AVEN: variants seen among roughly 807,000 people sequenced by gnomAD.
The protein encoded by AVEN is apoptosis and caspase activation inhibitor, also known as cell death regulator Aven.
AVEN carries 41 observed loss-of-function variants against 38.1 expected under a neutral mutation model. The ratio of observed to expected loss-of-function variants is 1.08; its 90% CI spans 0.84 to 1.40. The LOEUF (loss-of-function observed/expected upper bound fraction) is 1.40. AVEN is among the 40% of genes most tolerant of loss of function. The pLI is 0.00. For missense variants in AVEN, 605 were observed against 438.8 expected (o/e 1.38, Z -3.38); for synonymous variants, 206 against 171.8 (o/e 1.20, Z -1.56).
At position 33,904,694 on chromosome 15, in the gene AVEN, A is replaced by AAAAT. The variant is rs1464894437; in HGVS notation, c.446-28700_446-28699insATTT. On this transcript the variant is annotated intron_variant, in intron 2 of 5. Transcript: ENST00000306730. ...GAGACTGTTTCTTTAAAAAAAAAAAAATATATATATATATATATATATACA... is the reference window on the plus strand; with the variant it reads ...GAGACTGTTTCTTTAAAAAAAAAAAAAAATATATATATATATATATATATATACA... Among the ~76,000 whole-genome samples, 466 of 112,698 alleles carry AAAAT rather than the reference A, an allele frequency of 4.1e-3. 8 individuals are homozygous for AAAAT. The South Asian group carries it at 0.066, about 16-fold the overall frequency. 73.9% of individuals were successfully genotyped at this position (112,698 alleles called of 152,430 possible). A position where few individuals can be genotyped will look rare whatever the true frequency, so the allele number is the denominator to read the frequency against.
chr15:34,004,605 GTGT>G lies in AVEN; in HGVS notation c.268-1399_268-1397del, dbSNP rs201066470. 1.0e-2 allele frequency among the ~76,000 whole-genome samples: 1,521 copies of G among 152,192 alleles called. 33 individuals carry two copies. Among genetic ancestry groups the G allele is most frequent in the African/African-American group, 0.035 (1,451 of 41,518 alleles). On this transcript the variant is annotated intron_variant, in intron 1 of 5. Coordinates refer to ENST00000306730, the MANE Select transcript of AVEN (RefSeq NM_020371.3). ...AATACTGGTATTGCAATTTTTTAAA[GTGT>G]TGTTAACTTTTAGATATAAACACTG...
chr15:33,999,871 T>C (rs1897072254), intron 2 of AVEN, among the ~76,000 whole-genome samples: 1 of 152,204 alleles, frequency 6.6e-6, no homozygotes, highest in South Asian at 2.1e-4. Context: ...ATCACTCTTC[T>C]CTTCAAACCC....
At chr15:33,883,521 T>C (rs906074619) in intron 2 of AVEN, 11 of 152,232 alleles carry the variant, frequency 7.2e-5, no homozygotes, top group African/African-American at 2.2e-4. Flanking sequence ...ACCCATTATC[T>C]CAACTGCTAC....
chr15:33,975,241 G>T (rs1386183745), intron 2 of AVEN, among the ~76,000 whole-genome samples: 1 of 152,094 alleles, frequency 6.6e-6, no homozygotes, highest in African/African-American at 2.4e-5. Context: ...GATTCACAAA[G>T]ATATTCTTCT....
downstream of AVEN, chr15:33,857,671 C>T: frequency 7.1e-7 from 1 of 1,408,410 alleles, no homozygotes; most frequent in South Asian, 1.3e-5. Flanking sequence ...CCCATTTCCT[C>T]TCCTTGCCCG....
rs1281007937 is a variant in AVEN, at chr15:34,052,809, A to G, written n.1637+10113T>C. Among the ~76,000 whole-genome samples the G allele has an allele frequency of 3.9e-5, 6 of 152,206 alleles. No homozygotes were observed. The South Asian group carries it at 1.2e-3, about 32-fold the overall frequency. On this transcript the variant is annotated intron_variant and non_coding_transcript_variant, in intron 5 of 11. Coordinates refer to the AVEN transcript ENST00000675287. The stretch of plus-strand genomic sequence containing the variant: ...ACAAGGGAAGTGAAGGACCTCTTCA[A>G]GGAGAACTGCAAACCAATGCTCAAT...
chr15:33,968,071 A>C (rs887279792), intron 2 of AVEN, among the ~76,000 whole-genome samples: 2 of 125,394 alleles, frequency 1.6e-5, no homozygotes, highest in Non-Finnish European at 3.3e-5. Context: ...ACTCAGCAAC[A>C]TGTCTGTGAA....
intron 2 of AVEN, among the ~76,000 whole-genome samples, chr15:33,940,741 C>T (rs1405172771): frequency 1.3e-5 from 2 of 152,084 alleles, no homozygotes; most frequent in African/African-American, 4.8e-5. Flanking sequence ...GGGGTTTCAC[C>T]ATGTTGGCCA....
intron 2 of AVEN, among the ~76,000 whole-genome samples, chr15:33,928,895 C>G (rs1893733494): frequency 6.6e-6 from 1 of 152,126 alleles, no homozygotes; most frequent in African/African-American, 2.4e-5. Flanking sequence ...TTTCTTCCTC[C>G]CCTTCCCTGA....
At chr15:33,934,666 G>A (rs931687835) in intron 2 of AVEN, among the ~76,000 whole-genome samples, 2 of 152,128 alleles carry the variant, frequency 1.3e-5, no homozygotes, top group African/African-American at 2.4e-5. Context: ...AACTCTTCAC[G>A]TCGTGAAATC....
intron 5 of AVEN, among the ~76,000 whole-genome samples, chr15:34,054,846 A>C (rs781742060): frequency 2.9e-4 from 44 of 151,854 alleles, no homozygotes; most frequent in Non-Finnish European, 4.9e-4. Flanking sequence ...CTTAAGATAA[A>C]TGTTGGGAAA....
At chr15:33,974,949 G>A (rs1895820533) in intron 2 of AVEN, among the ~76,000 whole-genome samples, 1 of 152,170 alleles carries the variant, frequency 6.6e-6, no homozygotes, top group African/African-American at 2.4e-5. Flanking sequence ...TCCAGCCTGA[G>A]CAACAAGGGC....
chr15:34,063,296 C>T lies in AVEN; in HGVS notation n.1263G>A, dbSNP rs753134569. On this transcript the variant is annotated non_coding_transcript_exon_variant, in exon 5 of 12. Coordinates refer to the AVEN transcript ENST00000675287. The surrounding 1 kb of genome is among the most constrained non-coding windows in gnomAD (Gnocchi z 4.1). ...TCCAGTTTCTCTCTGAGCCCACCAT[C>T]ACTTTTGGCACTGCCATTGCTGCCT... 114 of 1,614,084 alleles carry T rather than the reference C, an allele frequency of 7.1e-5. No homozygotes were observed. In the Admixed American group the frequency reaches 1.4e-3, roughly 19 times the overall value.
intron 4 of AVEN, 137 bp from the exon 5 acceptor site, chr15:33,867,992 C>A: frequency 8.3e-7 from 1 of 1,202,712 alleles, no homozygotes; most frequent in Non-Finnish European, 1.1e-6. Flanking sequence ...CAAAGTGGCT[C>A]CTTTCCAGGC....
the AVEN span, chr15:33,853,096 T>C: frequency 2.3e-5 from 36 of 1,585,930 alleles, no homozygotes; most frequent in East Asian, 4.3e-4. Context: ...AGGTATGCCT[T>C]GTTAGTGGGG....
Position 33,961,682 on chromosome 15 carries a change from G to A in AVEN, c.445+41350C>T, listed in dbSNP as rs569136710. On this transcript the variant is annotated intron_variant, in intron 2 of 5. Transcript: ENST00000306730. ...CAAAAAATTAGCCGGGCGTGGTGGC[G>A]GGCACCTGTAGTCCCAGCTACTCGG... Among the ~76,000 whole-genome samples, 256 of 151,362 alleles carry A rather than the reference G, an allele frequency of 1.7e-3. 4 individuals carry two copies. Among genetic ancestry groups the A allele is most frequent in the Admixed American group, 8.6e-4 (13 of 15,194 alleles).
chr15:34,015,065 TCC>T (rs575287597), intron 1 of AVEN, among the ~76,000 whole-genome samples: 60 of 152,210 alleles, frequency 3.9e-4, no homozygotes, highest in African/African-American at 1.2e-3. Flanking sequence ...ACAGTGTGTC[TCC>T]CTTCTAAAAG....
At chr15:33,913,022 T>C (rs936571181) in intron 2 of AVEN, among the ~76,000 whole-genome samples, 27 of 152,052 alleles carry the variant, frequency 1.8e-4, no homozygotes, top group Non-Finnish European at 3.2e-4. Context: ...CCCAAGTAGC[T>C]GGGATTACAG....
chr15:33,865,100 A>AAAT (rs1890039944), downstream of AVEN: 4 of 1,558,022 alleles, frequency 2.6e-6, no homozygotes, highest in African/African-American at 1.4e-5. Context: ...TGTGGTTTAA[A>AAAT]AATAAGCACC....
Sources: gnomAD v4.1 joint callset for allele counts (sites outside exome capture counted in the v4.1 genomes callset) on GRCh38, gnomAD v4.1.1 for gene constraint, Gnocchi (gnomAD v3.1) non-coding constraint, MANE v1.5 for transcripts, NCBI Gene and HGNC (gene_info 2026-07-23, HGNC 2026-07-21) for gene names.